Variants in SVOP observed in about 807,000 individuals in gnomAD.
The protein encoded by SVOP is SV2 related protein, also known as synaptic vesicle 2-related protein.
Under a neutral mutation model 69.1 loss-of-function variants are expected in SVOP, and 17 were observed. The observed-to-expected ratio is 0.25, with a 90% CI of 0.17 to 0.37. The LOEUF is 0.37. Among genes scored for constraint, SVOP ranks in the 10% least tolerant of loss-of-function variants. The probability of loss-of-function intolerance (pLI) is 1.00; values close to 1 mark genes in which losing one functional copy is unlikely to be tolerated. For missense variants in SVOP, 435 were observed against 597.5 expected (o/e 0.73, Z 2.84); for synonymous variants, 238 against 238.6 (o/e 1.00, Z 0.02).
chr12:108,963,827 T>C (rs1028366255), intron 5 of SVOP, among the ~76,000 whole-genome samples: 1 of 152,178 alleles, frequency 6.6e-6, no homozygotes, highest in East Asian at 1.9e-4. Context: ...AAAAAATAGC[T>C]ACTCTCCTCT....
chr12:108,953,327 T>C (rs1359450214), intron 6 of SVOP, among the ~76,000 whole-genome samples: 1 of 151,986 alleles, frequency 6.6e-6, no homozygotes, highest in Middle Eastern at 3.2e-3. Context: ...TTTGTATTTA[T>C]AGTAGAGGCA....
At chr12:108,934,097 C>T in intron 11 of SVOP, 98 bp downstream of exon 11, 1 of 1,051,144 alleles carries the variant, frequency 9.5e-7, no homozygotes, top group Admixed American at 2.4e-5. Flanking sequence ...CAAGGCCAAT[C>T]CCTTAAGGGC....
chr12:108,986,207 A>C (rs541591661), intron 1 of SVOP, among the ~76,000 whole-genome samples: 41 of 152,300 alleles, frequency 2.7e-4, no homozygotes, highest in African/African-American at 8.7e-4. Flanking sequence ...CACCACTCTG[A>C]AGTTCATATT....
At chr12:108,992,334 G>C (rs2040207133) in intron 1 of SVOP, among the ~76,000 whole-genome samples, 1 of 151,738 alleles carries the variant, frequency 6.6e-6, no homozygotes, top group South Asian at 2.1e-4. Flanking sequence ...TCAGTCTAGG[G>C]GTTCAAGACC....
At chr12:108,970,841 CCTGT>C (rs1156667868) in intron 5 of SVOP, among the ~76,000 whole-genome samples, 1 of 151,400 alleles carries the variant, frequency 6.6e-6, no homozygotes, top group African/African-American at 2.4e-5. Flanking sequence ...ATAGTGAGAC[CCTGT>C]CTGTCTACAA....
rs1170704005 is a variant in SVOP, at chr12:108,909,034, A to C, written c.*3501T>G. 1 of 152,212 alleles carries C rather than the reference A, an allele frequency of 6.6e-6. No homozygotes were observed. Among genetic ancestry groups the C allele is most frequent in the Non-Finnish European group, 1.5e-5 (1 of 68,042 alleles). The allele number at this position is 152,212 out of a possible 1,614,324, so 9.4% of individuals were successfully genotyped here. ...CTCCTTTCCCATTCTACCTTCTTTG[A>C]AAAGAAATATGATGTCCAGCACAGG... On this transcript the variant is annotated 3_prime_UTR_variant, in exon 16 of 16. Coordinates refer to ENST00000610966, the MANE Select transcript of SVOP (RefSeq NM_018711.5).
chr12:108,913,623 A>G (rs1566045519), intron 15 of SVOP, among the ~76,000 whole-genome samples: 1 of 152,190 alleles, frequency 6.6e-6, no homozygotes, highest in Non-Finnish European at 1.5e-5. Context: ...CTTTTGGCAC[A>G]TGGCAAACAA....
At chr12:108,960,379 A>C (rs2040010939) in intron 6 of SVOP, among the ~76,000 whole-genome samples, 1 of 152,206 alleles carries the variant, frequency 6.6e-6, no homozygotes, top group Admixed American at 6.5e-5. Flanking sequence ...GCTTCTTCCT[A>C]CAGCTCTGAA....
chr12:108,915,659 G>A, intron 15 of SVOP, 124 bp downstream of exon 15: 1 of 966,018 alleles, frequency 1.0e-6, no homozygotes, highest in Non-Finnish European at 1.5e-6. Flanking sequence ...CCTCGGGTGT[G>A]TTGTTATGAT....
chr12:108,965,537 G>A (rs2040040208), intron 5 of SVOP, among the ~76,000 whole-genome samples: 1 of 152,122 alleles, frequency 6.6e-6, no homozygotes, highest in Non-Finnish European at 1.5e-5. Flanking sequence ...CAGATTACCT[G>A]ATTTTCCAAA....
intron 1 of SVOP, among the ~76,000 whole-genome samples, chr12:109,015,538 A>G (rs746763138): frequency 2.0e-5 from 3 of 152,136 alleles, no homozygotes; most frequent in Non-Finnish European, 4.4e-5. Flanking sequence ...GGGGCCAGGC[A>G]TGGTGGCTCA....
Position 108,942,401 on chromosome 12 carries a change from C to T in SVOP, c.643-1492G>A, listed in dbSNP as rs191362895. 3.5e-3 allele frequency among the ~76,000 whole-genome samples: 527 copies of T among 152,348 alleles called. 4 individuals carry two copies. The highest frequency in any genetic ancestry group is 0.012 in the African/African-American group (513 of 41,586). On this transcript the variant is annotated intron_variant, in intron 7 of 15. Transcript: ENST00000610966. ...ATTCCTCATCAGAATTGCCACTTCTCGATGGGGCTGAATATCTTCAATTTG... is the reference window on the plus strand; with the variant it reads ...ATTCCTCATCAGAATTGCCACTTCTTGATGGGGCTGAATATCTTCAATTTG...
intron 5 of SVOP, among the ~76,000 whole-genome samples, chr12:108,972,141 G>A (rs1364201284): frequency 6.6e-6 from 1 of 150,990 alleles, no homozygotes; most frequent in Non-Finnish European, 1.5e-5. Flanking sequence ...CCCCAGCCAG[G>A]GGTAATGAGG....
chr12:108,941,886 A>T (rs1052376812), intron 7 of SVOP, among the ~76,000 whole-genome samples: 2 of 150,696 alleles, frequency 1.3e-5, no homozygotes, highest in African/African-American at 4.9e-5. Context: ...GGTGGTCTTG[A>T]ACTCCTGACC....
chr12:108,942,962 T>C (rs946641438), intron 7 of SVOP, among the ~76,000 whole-genome samples: 1 of 152,072 alleles, frequency 6.6e-6, no homozygotes, highest in Admixed American at 6.6e-5. Context: ...TTTTGCCATG[T>C]TGGCTACGCT....
At chr12:108,988,072 C>A (rs572549599) in intron 1 of SVOP, among the ~76,000 whole-genome samples, 1 of 140,386 alleles carries the variant, frequency 7.1e-6, no homozygotes, top group Non-Finnish European at 1.6e-5. Context: ...CAGGTGCACA[C>A]GGCCATGCCT....
chr12:109,004,728 ATTTC>A (rs1487118745), intron 1 of SVOP, among the ~76,000 whole-genome samples: 1 of 148,676 alleles, frequency 6.7e-6, no homozygotes. Context: ...ATTTCATTTC[ATTTC>A]ATTTCATTTC....
At position 108,908,231 on chromosome 12, in the gene SVOP, T is replaced by A. The variant is rs2039660038; in HGVS notation, c.*4304A>T. ...AAAGGGAAGAAACAAGAGCCACAGATTCAGAGGGGCAGCTGTCTTGGGCCC... is the reference window on the plus strand; with the variant it reads ...AAAGGGAAGAAACAAGAGCCACAGAATCAGAGGGGCAGCTGTCTTGGGCCC... On this transcript the variant is annotated 3_prime_UTR_variant, in exon 16 of 16. Transcript: ENST00000610966. 1 of 152,236 alleles carries A rather than the reference T, an allele frequency of 6.6e-6. No homozygotes were observed. The highest frequency in any genetic ancestry group is 1.5e-5 in the Non-Finnish European group (1 of 68,066). 9.4% of individuals were successfully genotyped at this position (152,236 alleles called of 1,614,324 possible). A position where few individuals can be genotyped will look rare whatever the true frequency, so the allele number is the denominator to read the frequency against.
intron 6 of SVOP, among the ~76,000 whole-genome samples, chr12:108,946,385 C>T (rs2039923156): frequency 6.6e-6 from 1 of 152,100 alleles, no homozygotes; most frequent in Non-Finnish European, 1.5e-5. Flanking sequence ...CAGGCATGAG[C>T]CACTGTGCCT....
Sources: gnomAD v4.1 joint callset for allele counts (sites outside exome capture counted in the v4.1 genomes callset) on GRCh38, gnomAD v4.1.1 for gene constraint, MANE v1.5 for transcripts, NCBI Gene and HGNC (gene_info 2026-07-23, HGNC 2026-07-21) for gene names.